The following MDH1 variants were observed in gnomAD, a reference collection of about 807,000 sequenced individuals.
MDH1 encodes malate dehydrogenase 1, also known as malate dehydrogenase, cytoplasmic.
Under a neutral mutation model 38.7 loss-of-function variants are expected in MDH1, and 15 were observed. The observed-to-expected ratio is 0.39, with a 90% CI of 0.26 to 0.60. The LOEUF (loss-of-function observed/expected upper bound fraction) is 0.60. MDH1 is among the 20% of genes least tolerant of loss of function. MDH1 has a pLI of 0.56. For synonymous variants in MDH1, 144 were observed against 143.6 expected, an observed-to-expected ratio of 1.00 and a Z score of -0.02; for missense variants, 368 against 405.2, an observed-to-expected ratio of 0.91 and a Z score of 0.79.
chr2:63,602,934 C>CTTTTGTTT (rs1709452776), intron 5 of MDH1, among the ~76,000 whole-genome samples: 11 of 131,622 alleles, frequency 8.4e-5, no homozygotes, highest in Non-Finnish European at 1.0e-4. Context: ...TTTAACCGTT[C>CTTTTGTTT]TTTTTTTTTT....
chr2:63,601,402 TGATAAGGTAATTTGACATTGATACCA>T (rs1322687160), intron 5 of MDH1, among the ~76,000 whole-genome samples: 1 of 152,210 alleles, frequency 6.6e-6, no homozygotes, highest in East Asian at 1.9e-4. Context: ...TTATGTCTGC[TGATAAGGTAATTTGACATTGATACCA>T]GATAAGGTAA....
chr2:63,589,151 C>T, intron 1 of MDH1, 105 bp downstream of exon 1: 3 of 1,612,520 alleles, frequency 1.9e-6, no homozygotes, highest in African/African-American at 1.3e-5. Context: ...AAGGCACTGT[C>T]CTTCGCGCCC....
intron 5 of MDH1, chr2:63,600,108 C>CA (rs35524564): frequency 0.19 from 29,434 of 151,332 alleles, 3,666 homozygotes; most frequent in Non-Finnish European, 0.25. Context: ...ACTTTAGTTT[C>CA]AAAAAAAAAT....
At chr2:63,597,595 T>C in intron 4 of MDH1, 21 bp downstream of exon 4, 1 of 1,342,804 alleles carries the variant, frequency 7.4e-7, no homozygotes, top group Non-Finnish European at 9.6e-7. Context: ...CTGTATTTTA[T>C]GGGATTTTTC....
intron 1 of MDH1, chr2:63,593,703 T>C (rs1709245922): frequency 2.1e-6 from 1 of 471,210 alleles, no homozygotes; most frequent in Admixed American, 2.3e-5. Context: ...CTTAACTGAA[T>C]TTTTCTGTCT....
At chr2:63,602,357 T>G (rs974851394) in intron 5 of MDH1, among the ~76,000 whole-genome samples, 6 of 147,918 alleles carry the variant, frequency 4.1e-5, no homozygotes, top group Admixed American at 2.7e-4. Flanking sequence ...GTTTTTTTTT[T>G]TTTTTTTTTT....
chr2:63,605,756 G>A (rs544656729), intron 7 of MDH1, 183 bp from the exon 8 acceptor site: 78 of 618,250 alleles, frequency 1.3e-4, no homozygotes, highest in Non-Finnish European at 2.0e-4. Flanking sequence ...ATATGGAAGC[G>A]TGGAATGAAA....
chr2:63,589,196 C>T, intron 1 of MDH1, 150 bp downstream of exon 1: 1 of 1,596,080 alleles, frequency 6.3e-7, no homozygotes, highest in Non-Finnish European at 8.5e-7. Flanking sequence ...TGGGGATTGC[C>T]GCAGTGACCC....
intron 1 of MDH1, chr2:63,590,903 A>G (rs1261825825): frequency 6.6e-6 from 1 of 152,274 alleles, no homozygotes; most frequent in Non-Finnish European, 1.5e-5. Flanking sequence ...TTCAAAGCGG[A>G]GGATTCTTTG....
At chr2:63,590,673 G>A (rs1466997418) in intron 1 of MDH1, 4 of 152,198 alleles carry the variant, frequency 2.6e-5, no homozygotes, top group African/African-American at 9.7e-5. Flanking sequence ...CAAGGTCACA[G>A]AGATTTTGGG....
At position 63,595,531 on chromosome 2, in the gene MDH1, A is replaced by G. The variant is rs200059131; in HGVS notation, c.199+12A>G. The G allele has an allele frequency of 1.3e-5, 20 of 1,515,150 alleles. No homozygotes were observed. Among genetic ancestry groups the G allele is most frequent in the Admixed American group, 6.7e-5 (4 of 59,832 alleles). The allele number at this position is 1,515,150 out of a possible 1,614,324, so 93.9% of individuals were successfully genotyped here. A position where few individuals can be genotyped will look rare whatever the true frequency, so the allele number is the denominator to read the frequency against. On this transcript the variant is annotated intron_variant, in intron 3 of 8. Transcript: ENST00000233114. ...TCCCCTCCTGAAAGGTGGGTTGGGG[A>G]GTAGAGAAGGGATTTTATGGTATTT...
At chr2:63,606,077 T>C in intron 8 of MDH1, 49 bp downstream of exon 8, 1 of 1,511,166 alleles carries the variant, frequency 6.6e-7, no homozygotes, top group Admixed American at 1.7e-5. Flanking sequence ...TAGTTATATG[T>C]TTCTCTTAAG....
rs556625759 is a variant in MDH1 at position 63,588,981 on chromosome 2, A to T, written c.-63A>T. ...CCTCTCCGAGTCAGTTCCGCGGTAG[A>T]GGTGACCTGACTCTCTGAGGCTCAT... On this transcript the variant is annotated 5_prime_UTR_variant, in exon 1 of 9. Coordinates refer to ENST00000233114, the MANE Select transcript of MDH1 (RefSeq NM_005917.4). 6.2e-7 allele frequency: 1 copy of T among 1,612,558 alleles called. No individual in the cohort carries two copies. The highest frequency in any genetic ancestry group is 2.2e-5 in the East Asian group (1 of 44,872).
intron 5 of MDH1, among the ~76,000 whole-genome samples, chr2:63,602,096 G>A (rs1040915450): frequency 6.6e-6 from 1 of 152,190 alleles, no homozygotes; most frequent in African/African-American, 2.4e-5. Context: ...CCTAATACTT[G>A]CAAGACTTGC....
At position 63,594,591 on chromosome 2, in the gene MDH1, G is replaced by A; in HGVS notation, c.102+5G>A. ...TCTGTCTTTGGTAAAGATCAGGTAG[G>A]AACAGGTGTCTATAAATCTTAAGTT... On this transcript the variant is annotated splice_donor_5th_base_variant and intron_variant, in intron 2 of 8. Transcript: ENST00000233114. The A allele has an allele frequency of 6.3e-7, 1 of 1,585,782 alleles. No individual in the cohort carries two copies. The highest frequency in any genetic ancestry group is 8.7e-7 in the Non-Finnish European group (1 of 1,155,700).
In MDH1 at chr2:63,605,339, T is replaced by G; in HGVS notation, c.735T>G (p.Ser245=). The change falls in exon 7 of 9, where the codon TCT becomes TCG. Residue 245 remains serine, a synonymous_variant. Transcript: ENST00000233114. ...IKARKLSSAM[S]AAKAICDHVR... Reference sequence around the variant, plus strand: ...CTCGAAAACTATCCAGTGCCATGTCTGCTGCAAAAGCCATCTGTGACCACG... The same window carrying G: ...CTCGAAAACTATCCAGTGCCATGTCGGCTGCAAAAGCCATCTGTGACCACG... 6.2e-7 allele frequency: 1 copy of G among 1,614,226 alleles called. No individual in the cohort carries two copies. Among genetic ancestry groups the G allele is most frequent in the Non-Finnish European group, 8.5e-7 (1 of 1,180,038 alleles).
intron 5 of MDH1, among the ~76,000 whole-genome samples, chr2:63,601,167 T>C (rs982990770): frequency 6.6e-6 from 1 of 152,224 alleles, no homozygotes; most frequent in African/African-American, 2.4e-5. Flanking sequence ...TGTTTCAGCA[T>C]GTCAATCTGG....
intron 4 of MDH1, among the ~76,000 whole-genome samples, chr2:63,598,432 C>T (rs1413881269): frequency 6.6e-6 from 1 of 152,082 alleles, no homozygotes; most frequent in Non-Finnish European, 1.5e-5. Flanking sequence ...CCCAGCCAAA[C>T]CTTCTTTTAT....
chr2:63,606,082 C>A, intron 8 of MDH1, 54 bp downstream of exon 8: 1 of 1,487,422 alleles, frequency 6.7e-7, no homozygotes, highest in South Asian at 1.1e-5. Flanking sequence ...ATATGTTTCT[C>A]TTAAGAATGG....
Sources: gnomAD v4.1 joint callset for allele counts (sites outside exome capture counted in the v4.1 genomes callset) on GRCh38, gnomAD v4.1.1 for gene constraint, MANE v1.5 for transcripts, NCBI Gene and HGNC (gene_info 2026-07-23, HGNC 2026-07-21) for gene names.